The following ACOT11 variants were observed in gnomAD, a reference collection of about 807,000 sequenced individuals.
ACOT11 encodes the protein acyl-CoA thioesterase 11.
Under a neutral mutation model 77.5 loss-of-function variants are expected in ACOT11, and 69 were observed. That is an observed-to-expected ratio of 0.89 (90% confidence interval 0.73 to 1.09). The LOEUF (loss-of-function observed/expected upper bound fraction) is 1.09, where lower values mean the gene tolerates loss of function less well. Among genes scored for constraint, ACOT11 ranks in the 50% least tolerant of loss-of-function variants. The probability of loss-of-function intolerance (pLI) is 0.00; values close to 1 mark genes in which losing one functional copy is unlikely to be tolerated. For synonymous variants in ACOT11, 279 were observed against 313.0 expected, an observed-to-expected ratio of 0.89 and a Z score of 1.15; for missense variants, 766 against 813.7, an observed-to-expected ratio of 0.94 and a Z score of 0.71.
At chr1:54,573,376 G>A (rs1185626775) in intron 1 of ACOT11, 1 of 313,974 alleles carries the variant, frequency 3.2e-6, no homozygotes, top group African/African-American at 2.3e-5. Context: ...TCTGTAAAAT[G>A]GGAATAATAA....
intron 15 of ACOT11, among the ~76,000 whole-genome samples, chr1:54,627,774 G>A (rs1644279865): frequency 7.5e-6 from 1 of 133,946 alleles, no homozygotes; most frequent in African/African-American, 2.5e-5. Context: ...TTTCAGAAGA[G>A]GCTTGGCTGA....
chr1:54,587,550 CTTT>C (rs33913350), intron 3 of ACOT11, among the ~76,000 whole-genome samples: 1 of 73,542 alleles, frequency 1.4e-5, no homozygotes, highest in African/African-American at 5.9e-5. Flanking sequence ...GTTTGTAATC[CTTT>C]TTTTTTTTTT....
At chr1:54,628,708 A>G (rs1235500348) in intron 15 of ACOT11, among the ~76,000 whole-genome samples, 4 of 131,752 alleles carry the variant, frequency 3.0e-5, no homozygotes, top group African/African-American at 1.0e-4. Flanking sequence ...TATTTAAAGT[A>G]GTTTCATGTC....
At position 54,599,197 on chromosome 1, in the gene ACOT11, TATATATATATATATATATATATATATAA is replaced by T. The variant is rs1415837543; in HGVS notation, c.765-97_765-70del. On this transcript the variant is annotated intron_variant, in intron 7 of 15. Transcript: ENST00000343744. ...AAAAAAAAAAATATATATATATATA[TATATATATATATATATATATATATATAA>T]AAATCTGGCCCAAACTAGTGGCTGA... 47 of 42,270 alleles carry T rather than the reference TATATATATATATATATATATATATATAA, an allele frequency of 1.1e-3. 2 individuals are homozygous for T. Among genetic ancestry groups the T allele is most frequent in the South Asian group, 6.8e-3 (5 of 738 alleles). The allele number at this position is 42,270 out of a possible 1,614,324, so 2.6% of individuals were successfully genotyped here. A position where few individuals can be genotyped will look rare whatever the true frequency, so the allele number is the denominator to read the frequency against.
downstream of ACOT11, chr1:54,610,631 G>A (rs536314772): frequency 1.3e-6 from 2 of 1,560,016 alleles, no homozygotes; most frequent in African/African-American, 2.7e-5. Flanking sequence ...GGGTCCCATA[G>A]GCCACAGCTC....
rs1482467117 is a variant in ACOT11, at chr1:54,584,228, G to A, written c.34-427G>A. On this transcript the variant is annotated intron_variant, in intron 1 of 15. Transcript: ENST00000343744. This position sits in a 1 kb window ranked among gnomAD's most constrained non-coding sequence, Gnocchi z 6.3. ...AATCAGAGCGGCTTCTTGAAACACTGTATTAGGAACAGTTCCCTGGGCTTG... is the reference window on the plus strand; with the variant it reads ...AATCAGAGCGGCTTCTTGAAACACTATATTAGGAACAGTTCCCTGGGCTTG... Among the ~76,000 whole-genome samples, 1 of 152,144 alleles carries A rather than the reference G, an allele frequency of 6.6e-6. No homozygotes were observed. Among genetic ancestry groups the A allele is most frequent in the Non-Finnish European group, 1.5e-5 (1 of 68,032 alleles).
rs774600452 is a variant in ACOT11 at position 54,609,264 on chromosome 1, G to T, written c.*152G>T. The T allele has an allele frequency of 1.9e-6, 3 of 1,600,924 alleles. No homozygotes were observed. The African/African-American group carries it at 4.0e-5, about 21-fold the overall frequency. On this transcript the variant is annotated 3_prime_UTR_variant, in exon 16 of 16. Coordinates refer to ENST00000343744, the MANE Select transcript of ACOT11 (RefSeq NM_147161.4). ...AGGTCCGCTGGCCCACCACCCCTGG[G>T]TGCTCAGTTTCTACCAACATGAGCC... is the stretch of plus-strand genomic sequence containing the variant.
chr1:54,629,236 A>G (rs915089386), intron 15 of ACOT11, among the ~76,000 whole-genome samples: 7 of 133,858 alleles, frequency 5.2e-5, no homozygotes, highest in African/African-American at 7.6e-5. Flanking sequence ...TCAGACCCAC[A>G]AAGTATTCAG....
At chr1:54,593,805 C>T (rs1480291280) in intron 4 of ACOT11, 136 bp from the exon 5 acceptor site, 10 of 725,668 alleles carry the variant, frequency 1.4e-5, no homozygotes, top group Non-Finnish European at 2.3e-5. Context: ...CTCTGGCCTC[C>T]CAGACCTGGT....
At position 54,584,725 on chromosome 1, in the gene ACOT11, T is replaced by C; in HGVS notation, c.104T>C (p.Met35Thr). Residue 35 changes from methionine to threonine, a missense_variant, in exon 2 of 16, where the codon ATG becomes ACG. Coordinates refer to ENST00000343744, the MANE Select transcript of ACOT11 (RefSeq NM_147161.4). The surrounding 1 kb of genome is among the most constrained non-coding windows in gnomAD (Gnocchi z 6.3). ...SALRAGNDSA[M>T]ADGEGYRNPT... ...TTACGTGCGGGGAACGACAGTGCCA[T>C]GGCAGACGGCGAGGGATACCGGAAC... The C allele has an allele frequency of 6.2e-7, 1 of 1,614,122 alleles. No homozygotes were observed. Among genetic ancestry groups the C allele is most frequent in the Non-Finnish European group, 8.5e-7 (1 of 1,180,012 alleles).
chr1:54,605,103 A>G lies in ACOT11; in HGVS notation c.1264A>G (p.Lys422Glu), dbSNP rs770978400. ...CCGCCTGTACACTCTGGAGGATGAC[A>G]AGTTCCTCTCCTTCCACATGGAGAT... Reference protein sequence around the residue: ...QVRLYTLEDDKFLSFHMEMVV... With the variant: ...QVRLYTLEDDEFLSFHMEMVV... The change falls in exon 13 of 16, where the codon AAG becomes GAG. Residue 422 changes from lysine to glutamate, a missense_variant. Physicochemically the swap from Lys to Glu is moderately conservative, Grantham distance 56. Coordinates refer to ENST00000343744, the MANE Select transcript of ACOT11 (RefSeq NM_147161.4). 2 of 1,613,908 alleles carry G rather than the reference A, an allele frequency of 1.2e-6. No individual in the cohort carries two copies. Among genetic ancestry groups the G allele is most frequent in the South Asian group, 1.1e-5 (1 of 91,072 alleles).
chr1:54,550,129 G>A (rs1281943307), intron 1 of ACOT11, among the ~76,000 whole-genome samples: 2 of 152,232 alleles, frequency 1.3e-5, no homozygotes, highest in Non-Finnish European at 2.9e-5. Context: ...AAGTGGCAGA[G>A]CTGGGATTAG....
At chr1:54,610,834 G>T, downstream of ACOT11, 2 of 985,424 alleles carry the variant, frequency 2.0e-6, no homozygotes, top group Non-Finnish European at 2.4e-6. Context: ...TGGCTCCCAT[G>T]GCAGGAATGC....
rs1644288718 is a variant in ACOT11 at position 54,629,480 on chromosome 1, G to T, written c.1630-1254G>T. On this transcript the variant is annotated intron_variant, in intron 15 of 16. Transcript: ENST00000371316. ...TTTTTGTATTTTTAGCAGAGATGGG[G>T]TTTCACTGTGTTAGCCAGGGTGGTC... Among the ~76,000 whole-genome samples the T allele has an allele frequency of 1.5e-5, 2 of 132,784 alleles. 1 individual carries two copies. Among genetic ancestry groups the T allele is most frequent in the African/African-American group, 5.1e-5 (2 of 39,196 alleles). The allele number at this position is 132,784 out of a possible 152,430, so 87.1% of individuals were successfully genotyped here.
Position 54,609,333 on chromosome 1 carries a change from G to C in ACOT11, c.*221G>C. On this transcript the variant is annotated 3_prime_UTR_variant, in exon 16 of 16. Transcript: ENST00000343744. ...CCCTGGGGTAGCCTGTAGTAGACTC[G>C]GGTCCTGTCCACAGCCCTAGCTGCC... The C allele has an allele frequency of 6.2e-7, 1 of 1,613,970 alleles. No homozygotes were observed. Among genetic ancestry groups the C allele is most frequent in the Non-Finnish European group, 8.5e-7 (1 of 1,179,908 alleles).
downstream of ACOT11, chr1:54,614,886 G>A (rs1281365473): frequency 1.2e-6 from 2 of 1,608,506 alleles, no homozygotes; most frequent in Non-Finnish European, 8.5e-7. Flanking sequence ...AAGGGCTTGG[G>A]GAAATGGCGA....
rs1223128690 is a variant in ACOT11, at chr1:54,605,000, T to G, written c.1237-76T>G. 3 of 1,491,950 alleles carry G rather than the reference T, an allele frequency of 2.0e-6. No individual in the cohort carries two copies. In the Admixed American group the frequency reaches 5.5e-5, roughly 28 times the overall value. 92.4% of individuals were successfully genotyped at this position (1,491,950 alleles called of 1,614,324 possible). A position where few individuals can be genotyped will look rare whatever the true frequency, so the allele number is the denominator to read the frequency against. On this transcript the variant is annotated intron_variant, in intron 12 of 15. Transcript: ENST00000343744. ...AGCAAGTCAGCTGTAGCCCTGAGCT[T>G]CCAGTCTCAGCCTCCAGCATCCCCA... is the stretch of plus-strand genomic sequence containing the variant.
intron 1 of ACOT11, among the ~76,000 whole-genome samples, chr1:54,560,726 AT>A (rs11455599): frequency 1.3e-3 from 180 of 142,190 alleles, no homozygotes; most frequent in Admixed American, 1.7e-3. Flanking sequence ...ATGCTTGGCT[AT>A]TTTTTTTTTT....
chr1:54,560,880 C>T (rs1040387260), intron 1 of ACOT11, among the ~76,000 whole-genome samples: 3 of 152,130 alleles, frequency 2.0e-5, no homozygotes, highest in Non-Finnish European at 4.4e-5. Context: ...TGCCACCATG[C>T]CCGGCTAATT....
Sources: allele counts gnomAD v4.1 joint callset (sites outside exome capture counted in the v4.1 genomes callset), GRCh38; gene constraint gnomAD v4.1.1; non-coding constraint Gnocchi (gnomAD v3.1); transcripts MANE v1.5; gene names NCBI Gene and HGNC (gene_info 2026-07-23, HGNC 2026-07-21).